The following TRIM75 variants were observed in gnomAD, a reference collection of about 807,000 sequenced individuals.
TRIM75 encodes the protein tripartite motif-containing protein 75.
chr4:165,059,453 G>A, the TRIM75 span: 1 of 780,890 alleles, frequency 1.3e-6, no homozygotes, highest in Admixed American at 1.7e-5. Flanking sequence ...AACACAACCA[G>A]CCCCTGAGCG....
the TRIM75 span, among the ~76,000 whole-genome samples, chr4:165,055,146 A>AT: frequency 3.2e-4 from 49 of 150,940 alleles, no homozygotes; most frequent in East Asian, 6.8e-3. Context: ...TTAAAAAAAA[A>AT]TTTTTTTTTG....
the TRIM75 span, chr4:165,059,540 G>A: frequency 1.3e-6 from 1 of 780,878 alleles, no homozygotes. Flanking sequence ...ACCATGTGAG[G>A]CCCATAGAGA....
the TRIM75 span, chr4:165,059,570 G>T: frequency 3.8e-6 from 3 of 780,864 alleles, no homozygotes; most frequent in Middle Eastern, 6.8e-4. Context: ...TTCATTATAG[G>T]AAAAGATTCT....
the TRIM75 span, chr4:165,059,499 C>T: frequency 2.0e-5 from 16 of 780,946 alleles, no homozygotes; most frequent in South Asian, 1.9e-4. Flanking sequence ...GTTGTGTCCG[C>T]TGTGCACTCA....
the TRIM75 span, among the ~76,000 whole-genome samples, chr4:165,058,951 T>C: frequency 6.6e-6 from 1 of 152,038 alleles, no homozygotes; most frequent in Admixed American, 6.6e-5. Flanking sequence ...CAGTTGGAAT[T>C]AAAGGGTCCG....
the TRIM75 span, among the ~76,000 whole-genome samples, chr4:165,056,580 TTTTC>T: frequency 2.0e-5 from 3 of 146,342 alleles, no homozygotes; most frequent in Non-Finnish European, 4.5e-5. Context: ...TCCTTTTTCT[TTTTC>T]TTTCTCTGTC....
chr4:165,060,077 T>C, the TRIM75 span: 2 of 780,718 alleles, frequency 2.6e-6, no homozygotes, highest in African/African-American at 3.4e-5. Context: ...TGATTGTATC[T>C]GAAGATAAAA....
chr4:165,054,943 T>C, the TRIM75 span, among the ~76,000 whole-genome samples: 1 of 151,530 alleles, frequency 6.6e-6, no homozygotes, highest in African/African-American at 2.4e-5. Flanking sequence ...GTGTATAGAG[T>C]TGGGGGTGGG....
At chr4:165,054,331 T>G in the TRIM75 span, among the ~76,000 whole-genome samples, 1 of 148,984 alleles carries the variant, frequency 6.7e-6, no homozygotes, top group Admixed American at 6.8e-5. Context: ...GTGCAGTGGC[T>G]ATCTTGACTC....
the TRIM75 span, among the ~76,000 whole-genome samples, chr4:165,058,922 T>C: frequency 1.3e-5 from 2 of 152,090 alleles, no homozygotes; most frequent in Non-Finnish European, 2.9e-5. Flanking sequence ...CGGCAGGCTG[T>C]GTGTGGGACT....
chr4:165,060,497 C>A, the TRIM75 span: 2 of 778,804 alleles, frequency 2.6e-6, no homozygotes, highest in Admixed American at 3.4e-5. Context: ...GGCCTTATTT[C>A]TATGTAGGAC....
chr4:165,054,556 C>T, the TRIM75 span, among the ~76,000 whole-genome samples: 4 of 152,100 alleles, frequency 2.6e-5, no homozygotes, highest in Non-Finnish European at 5.9e-5. Flanking sequence ...TGTGAGCCAC[C>T]GTGCCTGGCC....
At chr4:165,060,235 T>C in the TRIM75 span, 11 of 780,932 alleles carry the variant, frequency 1.4e-5, no homozygotes, top group Middle Eastern at 2.3e-4. Flanking sequence ...GAATGGGCTA[T>C]TGGCATTTGC....
chr4:165,059,783 T>C, the TRIM75 span: 2 of 780,848 alleles, frequency 2.6e-6, no homozygotes, highest in Non-Finnish European at 4.8e-6. Flanking sequence ...AGAAGGACAA[T>C]CAACAGAAAC....
the TRIM75 span, among the ~76,000 whole-genome samples, chr4:165,057,153 T>C: frequency 6.6e-6 from 1 of 152,214 alleles, no homozygotes; most frequent in Non-Finnish European, 1.5e-5. Flanking sequence ...TAGTTTATTC[T>C]GCCAATACTG....
chr4:165,058,288 C>A, the TRIM75 span, among the ~76,000 whole-genome samples: 1 of 152,186 alleles, frequency 6.6e-6, no homozygotes, highest in Admixed American at 6.5e-5. Context: ...CTGCCTCAAC[C>A]TCCCAAGTAG....
At chr4:165,055,362 G>A in the TRIM75 span, among the ~76,000 whole-genome samples, 5 of 147,302 alleles carry the variant, frequency 3.4e-5, no homozygotes, top group African/African-American at 1.0e-4. Flanking sequence ...CTGGCTCACC[G>A]CAACCTCCAT....
chr4:165,058,902 C>T, the TRIM75 span, among the ~76,000 whole-genome samples: 19 of 152,176 alleles, frequency 1.2e-4, 1 homozygote, highest in African/African-American at 4.6e-4. Context: ...TCTGGCTGAG[C>T]TGTGACTGCC....
chr4:165,059,420 G>A, the TRIM75 span: 1 of 780,878 alleles, frequency 1.3e-6, no homozygotes, highest in Non-Finnish European at 2.4e-6. Flanking sequence ...AAAGGAAGCA[G>A]GAAGAGACCA....
Sources: allele counts gnomAD v4.1 joint callset (sites outside exome capture counted in the v4.1 genomes callset), GRCh38; gene constraint gnomAD v4.1.1; transcripts MANE v1.5; gene names NCBI Gene and HGNC (gene_info 2026-07-23, HGNC 2026-07-21).